Variants in HEXB observed in about 807,000 individuals in gnomAD.
HEXB encodes the protein hexosaminidase subunit beta, also known as beta-hexosaminidase subunit beta.
A neutral mutation model predicts 71.2 loss-of-function variants in HEXB; 51 were observed. That is an observed-to-expected ratio of 0.72 (90% CI 0.57 to 0.90). The LOEUF (loss-of-function observed/expected upper bound fraction) is 0.90, where lower values mean the gene tolerates loss of function less well. Ranked by LOEUF, HEXB falls within the 40% of genes least tolerant of loss-of-function variation. The pLI is 0.00. For missense variants in HEXB, 617 were observed against 677.0 expected, an observed-to-expected ratio of 0.91 and a Z score of 0.98; for synonymous variants, 266 against 249.3, an observed-to-expected ratio of 1.07 and a Z score of -0.63.
At chr5:74,697,896 G>T (rs1749151135) in intron 5 of HEXB, among the ~76,000 whole-genome samples, 1 of 151,972 alleles carries the variant, frequency 6.6e-6, no homozygotes. Flanking sequence ...AACCTCAGGG[G>T]TGGTATGGGT....
In HEXB at chr5:74,697,017, A is replaced by G. The variant is rs2112141532; in HGVS notation, c.580A>G (p.Ile194Val). 1 of 1,563,252 alleles carries G rather than the reference A, an allele frequency of 6.4e-7. No homozygotes were observed. ...YGTFTINESTIIDSPRFSHRG... is the reference protein window; with the variant it reads ...YGTFTINESTVIDSPRFSHRG... The stretch of plus-strand genomic sequence containing the variant: ...ATAGTTCACCATCAATGAATCCACC[A>G]TTATTGATTCTCCAAGGTTTTCTCA... The change falls in exon 5 of 14, where the codon ATT (isoleucine) becomes GTT (valine). Residue 194 changes from isoleucine to valine, a missense_variant. Coordinates refer to ENST00000261416, the MANE Select transcript of HEXB (RefSeq NM_000521.4).
chr5:74,695,006 A>C (rs1749080417), intron 3 of HEXB, among the ~76,000 whole-genome samples: 1 of 152,020 alleles, frequency 6.6e-6, no homozygotes, highest in Admixed American at 6.6e-5. Context: ...AATCTGACTC[A>C]GAGTGTTACC....
intron 1 of HEXB, among the ~76,000 whole-genome samples, chr5:74,678,945 T>A (rs1011880765): frequency 6.6e-6 from 1 of 152,150 alleles, no homozygotes; most frequent in Non-Finnish European, 1.5e-5. Context: ...CAAAGAAGTG[T>A]AAATTAAAAC....
intron 2 of HEXB, among the ~76,000 whole-genome samples, chr5:74,692,430 C>G (rs371335331): frequency 8.5e-5 from 13 of 152,060 alleles, no homozygotes; most frequent in African/African-American, 2.4e-4. Context: ...TGCAATGAAC[C>G]GTGATTGTGC....
intron 1 of HEXB, among the ~76,000 whole-genome samples, chr5:74,661,957 G>A (rs912704656): frequency 2.6e-5 from 4 of 152,084 alleles, no homozygotes. Flanking sequence ...TTGTCCTCAT[G>A]ACAACCTTAT....
intron 1 of HEXB, among the ~76,000 whole-genome samples, chr5:74,663,340 G>A (rs1230361449): frequency 1.3e-5 from 2 of 151,458 alleles, no homozygotes; most frequent in African/African-American, 2.5e-5. Context: ...ACAGGCGCCC[G>A]CCACCACACC....
At chr5:74,684,778 A>C (rs1748814424), upstream of HEXB, among the ~76,000 whole-genome samples, 1 of 151,248 alleles carries the variant, frequency 6.6e-6, no homozygotes, top group Non-Finnish European at 1.5e-5. Context: ...CCCGGGTTCA[A>C]GAGATTCTCC....
At chr5:74,662,913 A>G (rs1199854732) in intron 1 of HEXB, among the ~76,000 whole-genome samples, 1 of 152,220 alleles carries the variant, frequency 6.6e-6, no homozygotes, top group Non-Finnish European at 1.5e-5. Context: ...AACAATTACT[A>G]AACTGGCTAA....
chr5:74,680,176 C>T lies in HEXB; in HGVS notation c.-376-9152C>T, dbSNP rs73762937. ...TTCATGAAAAAGGAAGGATGACTCG[C>T]AAATCAGAACTGCCCACAAGGTGAC... On this transcript the variant is annotated intron_variant, in intron 1 of 13. Transcript: ENST00000511181. 6.0e-3 allele frequency among the ~76,000 whole-genome samples: 907 copies of T among 152,242 alleles called. 4 individuals carry two copies. Among genetic ancestry groups the T allele is most frequent in the African/African-American group, 0.021 (860 of 41,526 alleles).
At chr5:74,689,225 G>A in intron 1 of HEXB, 103 bp from the exon 2 acceptor site, 1 of 868,300 alleles carries the variant, frequency 1.2e-6, no homozygotes, top group South Asian at 1.4e-5. Flanking sequence ...CTTACAATGG[G>A]CAGCATGGAT....
chr5:74,683,821 CTTTTTTT>C (rs35751282), upstream of HEXB, among the ~76,000 whole-genome samples: 2 of 135,802 alleles, frequency 1.5e-5, no homozygotes, highest in East Asian at 4.3e-4. Flanking sequence ...TCTTTTCTTT[CTTTTTTT>C]TTTTTTTTTA....
upstream of HEXB, among the ~76,000 whole-genome samples, chr5:74,683,961 C>G (rs1223337824): frequency 6.6e-6 from 1 of 151,930 alleles, no homozygotes; most frequent in Non-Finnish European, 1.5e-5. Context: ...GCTGGGATTA[C>G]AGGCGCCCGC....
At chr5:74,704,481 G>A (rs926214439) in intron 5 of HEXB, among the ~76,000 whole-genome samples, 1 of 151,926 alleles carries the variant, frequency 6.6e-6, no homozygotes, top group African/African-American at 2.4e-5. Context: ...TTTCTCTGGG[G>A]GAATTGTATT....
At chr5:74,649,865 T>C (rs947457378) in intron 1 of HEXB, among the ~76,000 whole-genome samples, 12 of 152,246 alleles carry the variant, frequency 7.9e-5, no homozygotes, top group African/African-American at 2.9e-4. Context: ...AATTGCTCTT[T>C]TAAATTTAGA....
At chr5:74,656,857 C>A (rs1250151822) in intron 1 of HEXB, among the ~76,000 whole-genome samples, 1 of 152,222 alleles carries the variant, frequency 6.6e-6, no homozygotes, top group Non-Finnish European at 1.5e-5. Flanking sequence ...GGTGATCCAC[C>A]CGCCTCAGCC....
chr5:74,652,109 T>C lies in HEXB; in HGVS notation c.-377+11551T>C, dbSNP rs892353104. Among the ~76,000 whole-genome samples the C allele has an allele frequency of 6.6e-6, 1 of 152,222 alleles. No individual in the cohort carries two copies. Among genetic ancestry groups the C allele is most frequent in the African/African-American group, 2.4e-5 (1 of 41,456 alleles). ...TGAGATGTCTACGTGGAAATTAAAA[T>C]GATGAACTCTTTTACGTGAGTAGGT... On this transcript the variant is annotated intron_variant, in intron 1 of 13. Transcript: ENST00000511181. The surrounding 1 kb of genome is among the most constrained non-coding windows in gnomAD (Gnocchi z 5.4).
At chr5:74,714,733 G>T (rs907880052) in intron 7 of HEXB, among the ~76,000 whole-genome samples, 2 of 152,322 alleles carry the variant, frequency 1.3e-5, no homozygotes, top group African/African-American at 4.8e-5. Context: ...ATTAAATAAT[G>T]TAAAGCACAT....
intron 1 of HEXB, among the ~76,000 whole-genome samples, chr5:74,654,689 C>A (rs963260601): frequency 6.6e-6 from 1 of 152,170 alleles, no homozygotes; most frequent in African/African-American, 2.4e-5. Flanking sequence ...TCACAAGGCA[C>A]ATGGGGCCTA....
In HEXB at chr5:74,685,422, G is replaced by T; in HGVS notation, c.162G>T (p.Pro54=). ...RAPSVSAKPG[P]ALWPLPLLVK... ...CGAGCGTCTCGGCCAAGCCGGGGCC[G>T]GCGCTGTGGCCCCTGCCGCTCTTGG... is the stretch of plus-strand genomic sequence containing the variant. The change falls in exon 1 of 14, where the codon CCG becomes CCT. Residue 54 remains proline (P), a synonymous_variant. Coordinates refer to ENST00000261416, the MANE Select transcript of HEXB (RefSeq NM_000521.4). 1 of 1,601,382 alleles carries T rather than the reference G, an allele frequency of 6.2e-7. No individual in the cohort carries two copies. The highest frequency in any genetic ancestry group is 8.5e-7 in the Non-Finnish European group (1 of 1,175,584).
Sources: allele counts gnomAD v4.1 joint callset (sites outside exome capture counted in the v4.1 genomes callset), GRCh38; gene constraint gnomAD v4.1.1; non-coding constraint Gnocchi (gnomAD v3.1); transcripts MANE v1.5; gene names NCBI Gene and HGNC (gene_info 2026-07-23, HGNC 2026-07-21).